BLTP1: variants seen among roughly 807,000 people sequenced by gnomAD.
The protein encoded by BLTP1 is bridge-like lipid transfer protein family member 1.
chr4:122,342,387 ACT>A, the BLTP1 span, among the ~76,000 whole-genome samples: 1 of 151,440 alleles, frequency 6.6e-6, no homozygotes, highest in Non-Finnish European at 1.5e-5. Flanking sequence ...ACTAAGTCTC[ACT>A]CTGTTGTCCA....
At chr4:122,269,697 G>A in the BLTP1 span, 1 of 984,626 alleles carries the variant, frequency 1.0e-6, no homozygotes, top group Non-Finnish European at 1.2e-6. Flanking sequence ...ACAGTTTCTT[G>A]TATGAATATG....
the BLTP1 span, among the ~76,000 whole-genome samples, chr4:122,337,587 T>C: frequency 0.018 from 2,752 of 152,110 alleles, 48 homozygotes; most frequent in Non-Finnish European, 0.031. Flanking sequence ...TTAAAGCTCA[T>C]ACTTCTGTGA....
At chr4:122,283,988 A>G in the BLTP1 span, among the ~76,000 whole-genome samples, 36,659 of 152,096 alleles carry the variant, frequency 0.24, 4,817 homozygotes, top group African/African-American at 0.31. Flanking sequence ...ATGTTTTTGT[A>G]TAAAGTTTAA....
chr4:122,352,764 C>A, the BLTP1 span: 1 of 985,436 alleles, frequency 1.0e-6, no homozygotes, highest in East Asian at 2.4e-5. Context: ...TTAGCTATTG[C>A]TTAATGTTTA....
chr4:122,154,423 G>C, the BLTP1 span: 2 of 985,062 alleles, frequency 2.0e-6, no homozygotes, highest in African/African-American at 3.5e-5. Flanking sequence ...CTTGACTTTT[G>C]AGCTATTGAT....
At chr4:122,236,855 T>C in the BLTP1 span, 1 of 985,038 alleles carries the variant, frequency 1.0e-6, no homozygotes, top group African/African-American at 1.8e-5. Context: ...ATAAGTTTCT[T>C]GTCCAGGGAA....
chr4:122,310,982 T>C, the BLTP1 span: 6 of 699,366 alleles, frequency 8.6e-6, no homozygotes, highest in East Asian at 7.9e-4. Context: ...ACATGGCTTT[T>C]TAAAAATCAC....
the BLTP1 span, chr4:122,195,608 T>C: frequency 1.2e-5 from 3 of 243,850 alleles, no homozygotes; most frequent in Non-Finnish European, 2.0e-5. Context: ...CATGAAGTGC[T>C]GAGGTTCAAA....
At chr4:122,279,744 T>A in the BLTP1 span, 1 of 1,589,036 alleles carries the variant, frequency 6.3e-7, no homozygotes, top group East Asian at 2.3e-5. Context: ...CTGTTGGCTG[T>A]ATTTTAATAG....
the BLTP1 span, among the ~76,000 whole-genome samples, chr4:122,179,133 A>C: frequency 1.2e-4 from 18 of 152,128 alleles, no homozygotes; most frequent in Non-Finnish European, 2.2e-4. Flanking sequence ...TTAAAAAATG[A>C]GCTGGGTGTG....
At chr4:122,238,340 G>T in the BLTP1 span, 1 of 1,613,374 alleles carries the variant, frequency 6.2e-7, no homozygotes, top group Non-Finnish European at 8.5e-7. Context: ...AAGAGATGAT[G>T]GCCAAGCAAG....
chr4:122,356,770 C>A, the BLTP1 span: 1 of 1,602,634 alleles, frequency 6.2e-7, no homozygotes, highest in South Asian at 1.1e-5. Flanking sequence ...GTGGAATACT[C>A]TTTTTCTTTT....
At chr4:122,215,663 G>C in the BLTP1 span, 1 of 614,544 alleles carries the variant, frequency 1.6e-6, no homozygotes, top group Non-Finnish European at 2.0e-6. Flanking sequence ...GAGAACTACT[G>C]CTTTGAACAT....
chr4:122,207,712 T>A, the BLTP1 span: 1 of 1,269,976 alleles, frequency 7.9e-7, no homozygotes, highest in Non-Finnish European at 1.1e-6. Context: ...TTATCTTCAC[T>A]CTCTTCTCCC....
the BLTP1 span, among the ~76,000 whole-genome samples, chr4:122,320,847 T>C: frequency 6.6e-6 from 1 of 152,108 alleles, no homozygotes. Flanking sequence ...TACTATTTTC[T>C]ACTTTTTGCC....
chr4:122,312,970 G>T, the BLTP1 span: 2 of 706,760 alleles, frequency 2.8e-6, no homozygotes, highest in Non-Finnish European at 3.5e-6. Context: ...TTTAAAAGTT[G>T]TTTCAACTTT....
the BLTP1 span, chr4:122,214,104 G>A: frequency 3.7e-6 from 2 of 544,116 alleles, no homozygotes; most frequent in Non-Finnish European, 4.7e-6. Context: ...CAGTACTTGT[G>A]GACTTTTCCT....
the BLTP1 span, chr4:122,264,527 C>A: frequency 1 from 1,104,500 of 1,108,160 alleles, 550,510 homozygotes; most frequent in East Asian, 1. Flanking sequence ...TCTAGTGAGG[C>A]TATACCTTAC....
the BLTP1 span, chr4:122,340,912 C>A: frequency 1.4e-5 from 11 of 806,098 alleles, no homozygotes; most frequent in African/African-American, 1.5e-4. Context: ...GATAACACTA[C>A]AACATTTCTG....
Sources: gnomAD v4.1 joint callset for allele counts (sites outside exome capture counted in the v4.1 genomes callset) on GRCh38, gnomAD v4.1.1 for gene constraint, MANE v1.5 for transcripts, NCBI Gene and HGNC (gene_info 2026-07-23, HGNC 2026-07-21) for gene names.